The following CCDC122 variants were observed in gnomAD, a reference collection of about 807,000 sequenced individuals.
CCDC122 encodes coiled-coil domain containing 122.
A neutral mutation model predicts 37.0 loss-of-function variants in CCDC122; 38 were observed. The ratio of observed to expected loss-of-function variants is 1.03; its 90% confidence interval spans 0.79 to 1.35. The LOEUF is 1.35. Ranked by LOEUF, CCDC122 falls within the 40% of genes most tolerant of loss-of-function variation. The probability of loss-of-function intolerance (pLI) is 0.00; values close to 1 mark genes in which losing one functional copy is unlikely to be tolerated. For synonymous variants in CCDC122, 83 were observed against 95.6 expected, an observed-to-expected ratio of 0.87 and a Z score of 0.77; for missense variants, 305 against 310.0, an observed-to-expected ratio of 0.98 and a Z score of 0.12.
chr13:43,821,503 C>T (rs923084846), downstream of CCDC122, among the ~76,000 whole-genome samples: 1 of 152,192 alleles, frequency 6.6e-6, no homozygotes, highest in Non-Finnish European at 1.5e-5. Context: ...GAATTATAGG[C>T]GTAAGCCACT....
chr13:43,829,951 C>T (rs9567275), intron 3 of CCDC122, among the ~76,000 whole-genome samples: 57,089 of 151,976 alleles, frequency 0.38, 10,996 homozygotes, highest in East Asian at 0.52. Flanking sequence ...TCTCAGCTCA[C>T]TGCAGCCTCC....
intron 3 of CCDC122, among the ~76,000 whole-genome samples, chr13:43,826,883 C>G (rs186702596): frequency 2.8e-4 from 43 of 152,176 alleles, no homozygotes; most frequent in East Asian, 1.9e-3. Context: ...CATATAGAAA[C>G]AATAAAACAA....
chr13:43,845,873 C>T (rs1043978821), intron 6 of CCDC122, among the ~76,000 whole-genome samples: 1 of 151,994 alleles, frequency 6.6e-6, no homozygotes. Context: ...GATTAAAATC[C>T]TCTCTCTTTA....
chr13:43,837,816 T>G (rs1953217041), intron 6 of CCDC122, among the ~76,000 whole-genome samples: 1 of 151,900 alleles, frequency 6.6e-6, no homozygotes, highest in South Asian at 2.1e-4. Flanking sequence ...GTTAAGAGAG[T>G]TACCGGTGTT....
intron 6 of CCDC122, among the ~76,000 whole-genome samples, chr13:43,845,072 T>C (rs570403696): frequency 6.6e-6 from 1 of 152,272 alleles, no homozygotes; most frequent in African/African-American, 2.4e-5. Flanking sequence ...TTCTTTTGGA[T>C]TGAGTATTTT....
chr13:43,878,632 G>A lies in CCDC122; in HGVS notation c.-200+999C>T, dbSNP rs936452031. Among the ~76,000 whole-genome samples, 6 of 152,282 alleles carry A rather than the reference G, an allele frequency of 3.9e-5. No individual in the cohort carries two copies. The East Asian group carries it at 9.6e-4, about 24-fold the overall frequency. On this transcript the variant is annotated intron_variant, in intron 1 of 6. Transcript: ENST00000444614. Reference sequence around the variant, plus strand: ...AGCACCATTTCTCTTACTCTTGGAAGGTCGGATATTTTTTCCCTTTACCAT... The same window carrying A: ...AGCACCATTTCTCTTACTCTTGGAAAGTCGGATATTTTTTCCCTTTACCAT...
At chr13:43,875,966 A>G (rs1954597279) in intron 1 of CCDC122, among the ~76,000 whole-genome samples, 2 of 152,180 alleles carry the variant, frequency 1.3e-5, no homozygotes, top group South Asian at 4.1e-4. Context: ...CTTATAAGAG[A>G]AAGGTAGAGG....
intron 1 of CCDC122, chr13:43,879,395 C>G (rs1181752342): frequency 6.5e-6 from 1 of 152,808 alleles, no homozygotes; most frequent in African/African-American, 2.4e-5. Flanking sequence ...CCGGACTCGG[C>G]CTGCCCACTC....
intron 3 of CCDC122, among the ~76,000 whole-genome samples, chr13:43,824,787 A>G (rs1378450543): frequency 1.3e-5 from 2 of 152,236 alleles, no homozygotes; most frequent in East Asian, 3.8e-4. Flanking sequence ...GCCAACAAAC[A>G]TATGAAAAAA....
intron 6 of CCDC122, among the ~76,000 whole-genome samples, chr13:43,837,638 A>T (rs546757290): frequency 1.6e-5 from 2 of 121,582 alleles, no homozygotes; most frequent in Admixed American, 1.5e-4. Context: ...TTCTGCATAT[A>T]ATTAAATTCT....
At chr13:43,876,421 G>A (rs1304552998) in intron 1 of CCDC122, among the ~76,000 whole-genome samples, 1 of 152,124 alleles carries the variant, frequency 6.6e-6, no homozygotes, top group Non-Finnish European at 1.5e-5. Flanking sequence ...TAATAGCCAG[G>A]CACTATCTCT....
rs765861487 is a variant in CCDC122 at position 43,837,338 on chromosome 13, A to G, written c.764T>C (p.Ile255Thr). The G allele has an allele frequency of 1.9e-6, 3 of 1,613,896 alleles. No individual in the cohort carries two copies. Among genetic ancestry groups the G allele is most frequent in the Non-Finnish European group, 2.5e-6 (3 of 1,179,984 alleles). Residue 255 changes from isoleucine to threonine, a missense_variant, in exon 7 of 7, where the codon ATT (isoleucine) becomes ACT (threonine). Ile to Thr is a moderately conservative substitution (Grantham distance 89). Coordinates refer to ENST00000444614, the MANE Select transcript of CCDC122 (RefSeq NM_144974.5). ...GGCTGCAGTTTTTTCCAATTGTTGA[A>G]TGTTCCATTGCCACTGTCGTCTATT... ...QSNRRQWQWN[I>T]QQLEKTAAEL...
At chr13:43,858,021 G>A (rs1953979992) in intron 6 of CCDC122, 2 of 152,054 alleles carry the variant, frequency 1.3e-5, no homozygotes, top group African/African-American at 4.8e-5. Context: ...AAAAAGAATC[G>A]TTATTTAGAT....
chr13:43,837,039 C>A lies in CCDC122; in HGVS notation c.*241G>T. 1 of 431,648 alleles carries A rather than the reference C, an allele frequency of 2.3e-6. No individual in the cohort carries two copies. Among genetic ancestry groups the A allele is most frequent in the Non-Finnish European group, 4.1e-6 (1 of 243,104 alleles). The allele number at this position is 431,648 out of a possible 1,614,324, so 26.7% of individuals were successfully genotyped here. ...TACACACTCCAAATAGTCACAGAGA[C>A]TCTTGCATTATTTTCCCGTAGACAT... On this transcript the variant is annotated 3_prime_UTR_variant, in exon 7 of 7. Coordinates refer to ENST00000444614, the MANE Select transcript of CCDC122 (RefSeq NM_144974.5).
chr13:43,835,850 T>C (rs1953148303), downstream of CCDC122, among the ~76,000 whole-genome samples: 1 of 152,232 alleles, frequency 6.6e-6, no homozygotes, highest in Admixed American at 6.5e-5. Context: ...GAGTATAGTG[T>C]GTACTCCCCA....
In CCDC122 at chr13:43,840,122, T is replaced by G. The variant is rs568926096; in HGVS notation, c.673-2693A>C. 3.3e-5 allele frequency among the ~76,000 whole-genome samples: 5 copies of G among 152,284 alleles called. No homozygotes were observed. In the East Asian group the frequency reaches 9.6e-4, roughly 29 times the overall value. On this transcript the variant is annotated intron_variant, in intron 6 of 6. Coordinates refer to ENST00000444614, the MANE Select transcript of CCDC122 (RefSeq NM_144974.5). ...CAGACACATACTCCTAAGTTAGGTT[T>G]TCCATCTTGTCTACCTATTGAGTTA...
chr13:43,830,337 G>A (rs1024140397), intron 3 of CCDC122, among the ~76,000 whole-genome samples: 1 of 152,184 alleles, frequency 6.6e-6, no homozygotes, highest in Admixed American at 6.5e-5. Context: ...TGAAAATAGA[G>A]ATTTCAATGT....
At chr13:43,833,420 T>A (rs1328723129), downstream of CCDC122, among the ~76,000 whole-genome samples, 1 of 152,168 alleles carries the variant, frequency 6.6e-6, no homozygotes, top group African/African-American at 2.4e-5. Flanking sequence ...ATTATAGCTT[T>A]CCTTTGCAGA....
chr13:43,872,313 G>A (rs1044993840), intron 2 of CCDC122, among the ~76,000 whole-genome samples: 1 of 152,004 alleles, frequency 6.6e-6, no homozygotes, highest in African/African-American at 2.4e-5. Flanking sequence ...CTAATTCCCT[G>A]GAAGAATCTC....
Sources: gnomAD v4.1 joint callset for allele counts (sites outside exome capture counted in the v4.1 genomes callset) on GRCh38, gnomAD v4.1.1 for gene constraint, MANE v1.5 for transcripts, NCBI Gene and HGNC (gene_info 2026-07-23, HGNC 2026-07-21) for gene names.